CDKN2B-AS1: variants seen among roughly 807,000 people sequenced by gnomAD.
CDKN2B-AS1 encodes the protein CDKN2B and CDKN2A antisense cis and trans regulatory RNA 1, also known as CDKN2B antisense RNA 1 (non-protein coding).
At chr9:22,021,218 T>C (rs1276805626) in intron 1 of CDKN2B-AS1, among the ~76,000 whole-genome samples, 1 of 152,154 alleles carries the variant, frequency 6.6e-6, no homozygotes, top group African/African-American at 2.4e-5. Context: ...TTCTCTGTTC[T>C]GTTCCATTAG....
intron 1 of CDKN2B-AS1, chr9:22,029,586 C>T (rs901716408): frequency 2.7e-6 from 2 of 752,106 alleles, no homozygotes; most frequent in East Asian, 2.5e-5. Context: ...GAGGCCCACA[C>T]CTATTGCTGT....
At chr9:22,111,007 T>G (rs1313743761) in intron 4 of CDKN2B-AS1, among the ~76,000 whole-genome samples, 1 of 152,226 alleles carries the variant, frequency 6.6e-6, no homozygotes, top group African/African-American at 2.4e-5. Context: ...TGTGTAGCTA[T>G]AGTTTATTCA....
intron 1 of CDKN2B-AS1, among the ~76,000 whole-genome samples, chr9:22,022,407 T>C (rs1188258106): frequency 1.3e-5 from 2 of 152,206 alleles, no homozygotes; most frequent in Non-Finnish European, 2.9e-5. Context: ...CATTATGTAA[T>C]GCGTTTCTTT....
chr9:22,100,758 C>A (rs2131355247), intron 4 of CDKN2B-AS1, among the ~76,000 whole-genome samples: 1 of 152,306 alleles, frequency 6.6e-6, no homozygotes, highest in South Asian at 2.1e-4. Flanking sequence ...ACAGTTTACA[C>A]TTCTACTAAC....
intron 3 of CDKN2B-AS1, among the ~76,000 whole-genome samples, chr9:22,053,048 A>T (rs1441826611): frequency 6.6e-6 from 1 of 152,192 alleles, no homozygotes; most frequent in Non-Finnish European, 1.5e-5. Flanking sequence ...TTGACTATTT[A>T]TACTTATGTA....
chr9:21,997,797 T>C lies in CDKN2B-AS1; in HGVS notation n.29+2636T>C, dbSNP rs1820753358. Among the ~76,000 whole-genome samples the C allele has an allele frequency of 6.6e-6, 1 of 152,124 alleles. No homozygotes were observed. Among genetic ancestry groups the C allele is most frequent in the Admixed American group, 6.6e-5 (1 of 15,264 alleles). ...AGCAATATTTAGACTGGTGTTTGACTCAAACACTGGGTACCACAGCCTAGC... is the reference window on the plus strand; with the variant it reads ...AGCAATATTTAGACTGGTGTTTGACCCAAACACTGGGTACCACAGCCTAGC... On this transcript the variant is annotated intron_variant and non_coding_transcript_variant, in intron 1 of 4. Coordinates refer to ENST00000650946, the Ensembl canonical transcript of CDKN2B-AS1. This position sits in a 1 kb window ranked among gnomAD's most constrained non-coding sequence, Gnocchi z 4.8.
chr9:22,127,681 AC>A (rs1818038032), exon 5 of CDKN2B-AS1, among the ~76,000 whole-genome samples: 1 of 152,118 alleles, frequency 6.6e-6, no homozygotes, highest in African/African-American at 2.4e-5. Context: ...AGGAAGGGAG[AC>A]AGGAGGGTCC....
In CDKN2B-AS1 at chr9:22,023,580, C is replaced by CA. The variant is rs111513140; in HGVS notation, n.30-23160dup. ...GAAACCCCACCTCTACTAAAAATAC[C>CA]AAAAAAAAAAATCATAGCTGGGCAT... On this transcript the variant is annotated intron_variant and non_coding_transcript_variant, in intron 1 of 4. Coordinates refer to ENST00000650946, the Ensembl canonical transcript of CDKN2B-AS1. 3.3e-3 allele frequency among the ~76,000 whole-genome samples: 477 copies of CA among 143,306 alleles called. 1 individual carries two copies. Among genetic ancestry groups the CA allele is most frequent in the African/African-American group, 5.3e-3 (205 of 38,716 alleles). 94.0% of individuals were successfully genotyped at this position (143,306 alleles called of 152,430 possible).
In CDKN2B-AS1 at chr9:22,005,834, G is replaced by A. The variant is rs1158517335; in HGVS notation, n.29+10673G>A. 1 of 959,390 alleles carries A rather than the reference G, an allele frequency of 1.0e-6. No homozygotes were observed. The highest frequency in any genetic ancestry group is 2.6e-5 in the East Asian group (1 of 37,994). 59.4% of individuals were successfully genotyped at this position (959,390 alleles called of 1,614,324 possible). A position where few individuals can be genotyped will look rare whatever the true frequency, so the allele number is the denominator to read the frequency against. ...AAAAAATGTATGGAAGGTTATTCCC[G>A]GTCGGCTCCTCCTTCCTGTGAGTCT... On this transcript the variant is annotated intron_variant and non_coding_transcript_variant, in intron 1 of 4. Transcript: ENST00000650946. The surrounding 1 kb of genome is among the most constrained non-coding windows in gnomAD (Gnocchi z 4.9).
At chr9:22,009,173 A>C in intron 1 of CDKN2B-AS1, 5 of 658,406 alleles carry the variant, frequency 7.6e-6, no homozygotes, top group Non-Finnish European at 1.3e-5. Flanking sequence ...GGCGCTCAAG[A>C]ACCAGCGGGC....
At chr9:22,062,565 A>G (rs1203195559) in intron 4 of CDKN2B-AS1, among the ~76,000 whole-genome samples, 2 of 152,064 alleles carry the variant, frequency 1.3e-5, no homozygotes, top group Non-Finnish European at 2.9e-5. Context: ...TGAGGAAGAC[A>G]TTTCCTTACA....
chr9:22,065,051 G>T (rs1339555441), intron 4 of CDKN2B-AS1, among the ~76,000 whole-genome samples: 1 of 152,098 alleles, frequency 6.6e-6, no homozygotes. Context: ...GATAATTAGG[G>T]CTACCCTTTA....
chr9:22,032,189 TAA>T (rs1822504882), intron 1 of CDKN2B-AS1, among the ~76,000 whole-genome samples: 1 of 152,202 alleles, frequency 6.6e-6, no homozygotes, highest in African/African-American at 2.4e-5. Context: ...CAGCTATACA[TAA>T]GTCTACAAAA....
At chr9:22,115,309 G>C (rs1193436653) in intron 4 of CDKN2B-AS1, among the ~76,000 whole-genome samples, 1 of 152,104 alleles carries the variant, frequency 6.6e-6, no homozygotes, top group Non-Finnish European at 1.5e-5. Flanking sequence ...CCCTTAGTGA[G>C]CATATTTTGT....
intron 1 of CDKN2B-AS1, among the ~76,000 whole-genome samples, chr9:22,033,332 G>C (rs1209965773): frequency 6.6e-6 from 1 of 152,186 alleles, no homozygotes; most frequent in East Asian, 1.9e-4. Context: ...CTGGTAAATG[G>C]AGGGGCAGAG....
At chr9:22,103,197 A>C (rs1313108501) in intron 4 of CDKN2B-AS1, among the ~76,000 whole-genome samples, 1 of 118,176 alleles carries the variant, frequency 8.5e-6, no homozygotes, top group East Asian at 2.3e-4. Context: ...AAGAGAGGGG[A>C]GGGGTGCCCA....
chr9:22,087,479 A>G (rs767072599), intron 4 of CDKN2B-AS1, among the ~76,000 whole-genome samples: 9 of 152,224 alleles, frequency 5.9e-5, no homozygotes, highest in South Asian at 2.1e-4. Context: ...GTTTTTTATT[A>G]CAAGTACCTG....
chr9:22,040,730 C>T (rs2131263582), intron 1 of CDKN2B-AS1, among the ~76,000 whole-genome samples: 1 of 152,146 alleles, frequency 6.6e-6, no homozygotes, highest in South Asian at 2.1e-4. Flanking sequence ...GGATGTCTAA[C>T]ATCATGATAG....
chr9:22,062,054 A>T (rs1395730604), intron 4 of CDKN2B-AS1: 2 of 152,186 alleles, frequency 1.3e-5, no homozygotes, highest in Non-Finnish European at 2.9e-5. Context: ...AATTTTTTAG[A>T]GTCTCTAGAC....
Sources: gnomAD v4.1 joint callset for allele counts (sites outside exome capture counted in the v4.1 genomes callset) on GRCh38, gnomAD v4.1.1 for gene constraint, Gnocchi (gnomAD v3.1) non-coding constraint, MANE v1.5 for transcripts, NCBI Gene and HGNC (gene_info 2026-07-23, HGNC 2026-07-21) for gene names.